Variants in CYP2C19 observed in about 807,000 individuals in gnomAD.
CYP2C19 encodes the protein cytochrome P450 family 2 subfamily C member 19, also known as cytochrome P450 2C19.
In CYP2C19, 59 loss-of-function variants were observed where a neutral mutation model predicts 40.9. The observed-to-expected ratio is 1.44, with a 90% CI of 1.17 to 1.79. The LOEUF is 1.79. Ranked by LOEUF, CYP2C19 falls within the 40% of genes most tolerant of loss-of-function variation. The pLI, the probability that CYP2C19 is intolerant of heterozygous loss-of-function variation, is 0.00. For synonymous variants in CYP2C19, 253 were observed against 208.7 expected (o/e 1.21, Z -1.83); for missense variants, 754 against 596.9 (o/e 1.26, Z -2.74).
chr10:94,847,494 T>C (rs542566570), intron 7 of CYP2C19, among the ~76,000 whole-genome samples: 8 of 152,226 alleles, frequency 5.3e-5, no homozygotes, highest in Non-Finnish European at 1.2e-4. Context: ...ATATTTGGGT[T>C]GATTCCAAGT....
intron 6 of CYP2C19, among the ~76,000 whole-genome samples, chr10:94,835,785 C>T (rs1189967716): frequency 6.6e-6 from 1 of 152,068 alleles, no homozygotes; most frequent in African/African-American, 2.4e-5. Context: ...ATATATTTAC[C>T]CTTTTTCCTT....
At chr10:94,787,654 T>C (rs1420263716) in intron 5 of CYP2C19, among the ~76,000 whole-genome samples, 4 of 152,132 alleles carry the variant, frequency 2.6e-5, no homozygotes, top group Non-Finnish European at 5.9e-5. Context: ...CATTAATCCA[T>C]TTCGAGTTAA....
intron 7 of CYP2C19, among the ~76,000 whole-genome samples, chr10:94,843,402 T>C (rs1315131939): frequency 6.6e-6 from 1 of 152,226 alleles, no homozygotes; most frequent in Admixed American, 6.5e-5. Flanking sequence ...CTTGAGTCTT[T>C]CTGTTTGTGA....
intron 7 of CYP2C19, among the ~76,000 whole-genome samples, chr10:94,844,642 C>T (rs1564684249): frequency 6.6e-6 from 1 of 152,108 alleles, no homozygotes; most frequent in Non-Finnish European, 1.5e-5. Flanking sequence ...TTACTAATGT[C>T]ACTTTTTGAA....
At chr10:94,816,575 C>A (rs1279188654) in intron 5 of CYP2C19, among the ~76,000 whole-genome samples, 1 of 150,526 alleles carries the variant, frequency 6.6e-6, no homozygotes, top group Non-Finnish European at 1.5e-5. Context: ...AATGTAGTCT[C>A]TTTCTTTTTT....
chr10:94,824,005 G>A (rs1849171071), intron 6 of CYP2C19, among the ~76,000 whole-genome samples: 1 of 152,066 alleles, frequency 6.6e-6, no homozygotes, highest in Non-Finnish European at 1.5e-5. Context: ...TTTTATGAGA[G>A]TTTCCAATAA....
chr10:94,766,849 C>T (rs1331911442), intron 1 of CYP2C19, among the ~76,000 whole-genome samples: 3 of 151,992 alleles, frequency 2.0e-5, no homozygotes, highest in Admixed American at 1.3e-4. Context: ...TGAACCTTAA[C>T]AGCAGTGGGG....
chr10:94,809,453 G>C (rs1352000514), intron 5 of CYP2C19, among the ~76,000 whole-genome samples: 1 of 152,056 alleles, frequency 6.6e-6, no homozygotes, highest in Non-Finnish European at 1.5e-5. Flanking sequence ...AATCCCATTT[G>C]TCCATTTTTA....
At chr10:94,817,783 G>A (rs1415562434) in intron 5 of CYP2C19, among the ~76,000 whole-genome samples, 3 of 152,016 alleles carry the variant, frequency 2.0e-5, no homozygotes, top group Non-Finnish European at 2.9e-5. Flanking sequence ...GGAGGCCGAG[G>A]CGGGCGGATC....
At chr10:94,841,018 G>A (rs771883037) in intron 6 of CYP2C19, among the ~76,000 whole-genome samples, 19 of 152,152 alleles carry the variant, frequency 1.2e-4, no homozygotes, top group Non-Finnish European at 2.1e-4. Context: ...TTACCAAGGG[G>A]GTCCTTGCTC....
chr10:94,797,350 T>C (rs1036527782), intron 5 of CYP2C19, among the ~76,000 whole-genome samples: 6 of 152,116 alleles, frequency 3.9e-5, no homozygotes, highest in Non-Finnish European at 7.3e-5. Flanking sequence ...GCCAACTTGA[T>C]TGTGGTGGAT....
At chr10:94,767,456 C>G (rs942253493) in intron 1 of CYP2C19, among the ~76,000 whole-genome samples, 1 of 152,162 alleles carries the variant, frequency 6.6e-6, no homozygotes, top group Admixed American at 6.5e-5. Context: ...GGGAAAGCTT[C>G]TATCCAATTT....
intron 3 of CYP2C19, among the ~76,000 whole-genome samples, chr10:94,777,516 A>G (rs1009486263): frequency 2.6e-5 from 4 of 152,184 alleles, no homozygotes; most frequent in African/African-American, 9.6e-5. Context: ...CAACCATCTG[A>G]TCTTCAACAA....
rs143377860 is a variant in CYP2C19, at chr10:94,854,102, TCCA to T, written c.*1191_*1193del. ...GGTGCGATCTCGGCTCACTGCAATC[TCCA>T]CCTCCTGGATTCAAGTGGTTCTCCT... On this transcript the variant is annotated 3_prime_UTR_variant, in exon 9 of 9. Coordinates refer to ENST00000371321, the MANE Select transcript of CYP2C19 (RefSeq NM_000769.4). Among the ~76,000 whole-genome samples, 30,316 of 151,618 alleles carry T rather than the reference TCCA, an allele frequency of 0.2. 3,198 individuals are homozygous for T. Among genetic ancestry groups the T allele is most frequent in the Middle Eastern group, 0.23 (68 of 294 alleles).
In CYP2C19 at chr10:94,775,112, G is replaced by C; in HGVS notation, c.223G>C (p.Val75Leu). 1 of 1,614,162 alleles carries C rather than the reference G, an allele frequency of 6.2e-7. No homozygotes were observed. Among genetic ancestry groups the C allele is most frequent in the Non-Finnish European group, 8.5e-7 (1 of 1,180,040 alleles). Reference sequence around the variant, plus strand: ...TCTGTATTTTGGCCTGGAACGCATGGTGGTGCTGCATGGATATGAAGTGGT... The same window carrying C: ...TCTGTATTTTGGCCTGGAACGCATGCTGGTGCTGCATGGATATGAAGTGGT... ...FTLYFGLERM[V>L]VLHGYEVVKE... Residue 75 changes from valine to leucine, a missense_variant, in exon 2 of 9, where the codon GTG becomes CTG. Val to Leu is a conservative substitution (Grantham distance 32). Transcript: ENST00000371321.
intron 1 of CYP2C19, among the ~76,000 whole-genome samples, chr10:94,772,315 C>A (rs1848344140): frequency 6.6e-6 from 1 of 152,088 alleles, no homozygotes; most frequent in South Asian, 2.1e-4. Context: ...AAAATTATGT[C>A]TTTCTGATTG....
At chr10:94,840,872 G>A (rs913371442) in intron 6 of CYP2C19, among the ~76,000 whole-genome samples, 1 of 152,172 alleles carries the variant, frequency 6.6e-6, no homozygotes, top group Non-Finnish European at 1.5e-5. Flanking sequence ...TCAGTCTGGT[G>A]GCCACGCTAA....
At chr10:94,764,858 A>T (rs1848219341) in intron 1 of CYP2C19, among the ~76,000 whole-genome samples, 1 of 152,162 alleles carries the variant, frequency 6.6e-6, no homozygotes, top group African/African-American at 2.4e-5. Flanking sequence ...AAAGGGGAGA[A>T]GCCATGTTGC....
At position 94,855,019 on chromosome 10, in the gene CYP2C19, C is replaced by T. The variant is rs1356915824; in HGVS notation, c.*2105C>T. 6.6e-6 allele frequency among the ~76,000 whole-genome samples: 1 copy of T among 152,118 alleles called. No homozygotes were observed. The highest frequency in any genetic ancestry group is 1.5e-5 in the Non-Finnish European group (1 of 68,022). ...AATAAAAAAGTTGTCTAGTCTGTTT[C>T]CTCCTGGAGACTGTAGTGGATAATC... is the stretch of plus-strand genomic sequence containing the variant. On this transcript the variant is annotated 3_prime_UTR_variant, in exon 9 of 9. Transcript: ENST00000371321.
Sources: gnomAD v4.1 joint callset for allele counts (sites outside exome capture counted in the v4.1 genomes callset) on GRCh38, gnomAD v4.1.1 for gene constraint, MANE v1.5 for transcripts, NCBI Gene and HGNC (gene_info 2026-07-23, HGNC 2026-07-21) for gene names.